The following KLRG1 variants were observed in gnomAD, a reference collection of about 807,000 sequenced individuals.
KLRG1 encodes the protein killer cell lectin-like receptor subfamily G member 1.
In KLRG1, 16 loss-of-function variants were observed where a neutral mutation model predicts 21.8. That is an observed-to-expected ratio of 0.73 (90% CI 0.50 to 1.11). The LOEUF (loss-of-function observed/expected upper bound fraction) is 1.11. Among genes scored for constraint, KLRG1 ranks in the 50% most tolerant of loss-of-function variants. KLRG1 has a pLI of 0.00. For missense variants in KLRG1, 173 were observed against 218.3 expected (o/e 0.79, Z 1.31); for synonymous variants, 69 against 75.9 (o/e 0.91, Z 0.47).
At chr12:9,094,010 G>A in the KLRG1 span, among the ~76,000 whole-genome samples, 1 of 152,122 alleles carries the variant, frequency 6.6e-6, no homozygotes, top group African/African-American at 2.4e-5. Context: ...GGCTTGGATT[G>A]TCTGTGGGGC....
the KLRG1 span, among the ~76,000 whole-genome samples, chr12:9,032,840 G>T: frequency 6.6e-6 from 1 of 152,212 alleles, no homozygotes; most frequent in Middle Eastern, 3.4e-3. Context: ...GGCCAATTCA[G>T]TGCATGAAGA....
the KLRG1 span, chr12:9,157,459 G>T: frequency 9.1e-7 from 1 of 1,101,404 alleles, no homozygotes; most frequent in Non-Finnish European, 1.3e-6. Flanking sequence ...ATTTCAGACA[G>T]ATAGGCAGAC....
chr12:8,987,335 G>A (rs911919986), upstream of KLRG1: 1 of 152,204 alleles, frequency 6.6e-6, no homozygotes, highest in Non-Finnish European at 1.5e-5. Context: ...GTTCTTGTAA[G>A]AAGAGAGACC....
chr12:8,962,325 A>T (rs1462542737), intron 1 of KLRG1, among the ~76,000 whole-genome samples: 3 of 152,246 alleles, frequency 2.0e-5, no homozygotes, highest in Non-Finnish European at 4.4e-5. Context: ...TGAAATGATA[A>T]GATGAATATA....
the KLRG1 span, among the ~76,000 whole-genome samples, chr12:9,086,681 A>C: frequency 6.6e-6 from 1 of 152,248 alleles, no homozygotes; most frequent in Non-Finnish European, 1.5e-5. Flanking sequence ...TATAGCTTAC[A>C]TATTTAACAG....
At chr12:9,168,107 A>G in the KLRG1 span, among the ~76,000 whole-genome samples, 1 of 152,240 alleles carries the variant, frequency 6.6e-6, no homozygotes, top group Admixed American at 6.5e-5. Flanking sequence ...AAAGTTCTTA[A>G]TTTGTGTTGG....
the KLRG1 span, among the ~76,000 whole-genome samples, chr12:9,037,489 A>G: frequency 2.0e-5 from 3 of 152,236 alleles, no homozygotes; most frequent in Non-Finnish European, 2.9e-5. Flanking sequence ...TGTTAAATGC[A>G]CTACCCACCA....
At chr12:9,063,382 A>C in the KLRG1 span, among the ~76,000 whole-genome samples, 1,143 of 152,326 alleles carry the variant, frequency 7.5e-3, 24 homozygotes, top group African/African-American at 0.026. Context: ...AAGAAAATGC[A>C]AGAGAATAGC....
the KLRG1 span, among the ~76,000 whole-genome samples, chr12:9,026,272 T>C: frequency 6.6e-6 from 1 of 152,152 alleles, no homozygotes; most frequent in African/African-American, 2.4e-5. Context: ...GGAATAATAG[T>C]GTAGGAGATG....
chr12:9,028,297 G>A, the KLRG1 span, among the ~76,000 whole-genome samples: 127 of 148,862 alleles, frequency 8.5e-4, 1 homozygote, highest in Middle Eastern at 3.6e-3. Context: ...GATTACAGGC[G>A]TGTGCCACCA....
chr12:9,065,236 A>C, the KLRG1 span: 1 of 141,248 alleles, frequency 7.1e-6, no homozygotes, highest in Non-Finnish European at 1.5e-5. Context: ...CAGGTGAGCC[A>C]GGGACAAGCA....
At chr12:9,020,124 C>T in the KLRG1 span, among the ~76,000 whole-genome samples, 1 of 151,924 alleles carries the variant, frequency 6.6e-6, no homozygotes, top group Non-Finnish European at 1.5e-5. Flanking sequence ...CTGTGTTGCC[C>T]AGGTCTTGAA....
chr12:9,164,061 TATG>T, the KLRG1 span: 1 of 1,491,870 alleles, frequency 6.7e-7, no homozygotes. Flanking sequence ...AAAGAGAGAA[TATG>T]ATGAAAAAAG....
chr12:9,211,546 T>A, the KLRG1 span, among the ~76,000 whole-genome samples: 1 of 152,216 alleles, frequency 6.6e-6, no homozygotes, highest in Admixed American at 6.5e-5. Context: ...TTACTGAGCA[T>A]CTTTAAGATG....
the KLRG1 span, chr12:9,101,311 C>A: frequency 7.3e-7 from 1 of 1,375,366 alleles, no homozygotes; most frequent in Non-Finnish European, 1.0e-6. Flanking sequence ...CAATAATTCA[C>A]CTCAAGAGAA....
chr12:8,982,644 C>CTTT (rs745473290), intron 1 of KLRG1, among the ~76,000 whole-genome samples: 2 of 136,022 alleles, frequency 1.5e-5, no homozygotes, highest in African/African-American at 2.7e-5. Context: ...CAGACAATAT[C>CTTT]TTTTTTTTTT....
At chr12:9,127,870 G>C in the KLRG1 span, 1 of 265,748 alleles carries the variant, frequency 3.8e-6, no homozygotes, top group Non-Finnish European at 7.6e-6. Flanking sequence ...CGGGGCCCCG[G>C]CAATTACAGC....
the KLRG1 span, chr12:9,152,256 T>C: frequency 6.2e-7 from 1 of 1,612,994 alleles, no homozygotes; most frequent in Non-Finnish European, 8.5e-7. Context: ...TAAAACCAGA[T>C]ACCATCTTTA....
chr12:9,070,289 T>C, the KLRG1 span, among the ~76,000 whole-genome samples: 3 of 152,230 alleles, frequency 2.0e-5, no homozygotes, highest in Non-Finnish European at 4.4e-5. Context: ...CTTTTTCTTG[T>C]AGTCATGGGT....
Sources: allele counts gnomAD v4.1 joint callset (sites outside exome capture counted in the v4.1 genomes callset), GRCh38; gene constraint gnomAD v4.1.1; transcripts MANE v1.5; gene names NCBI Gene and HGNC (gene_info 2026-07-23, HGNC 2026-07-21).